CPEB1: variants seen among roughly 807,000 people sequenced by gnomAD.
CPEB1 encodes the protein cytoplasmic polyadenylation element binding protein 1, also known as cytoplasmic polyadenylation element-binding protein 1.
In CPEB1, 7 loss-of-function variants were observed where a neutral mutation model predicts 65.8. That is an observed-to-expected ratio of 0.11 (90% confidence interval 0.06 to 0.20). CPEB1 has a LOEUF of 0.20. Among genes scored for constraint, CPEB1 ranks in the 10% least tolerant of loss-of-function variants. CPEB1 has a pLI of 1.00. For missense variants in CPEB1, 551 were observed against 712.2 expected (o/e 0.77, Z 2.58); for synonymous variants, 262 against 260.0 (o/e 1.01, Z -0.08).
intron 1 of CPEB1, among the ~76,000 whole-genome samples, chr15:82,634,718 C>T (rs1349190929): frequency 1.3e-5 from 2 of 151,936 alleles, no homozygotes; most frequent in Non-Finnish European, 2.9e-5. Flanking sequence ...ATTTTTCCTC[C>T]ATTTAATCAG....
chr15:82,578,868 G>C (rs940913929), intron 3 of CPEB1, among the ~76,000 whole-genome samples: 3 of 152,008 alleles, frequency 2.0e-5, no homozygotes, highest in Non-Finnish European at 4.4e-5. Flanking sequence ...TCACTCTGTC[G>C]TCCTGACTGC....
chr15:82,594,868 G>A (rs1216237430), intron 3 of CPEB1, among the ~76,000 whole-genome samples: 2 of 151,440 alleles, frequency 1.3e-5, no homozygotes, highest in Non-Finnish European at 2.9e-5. Flanking sequence ...CCAAGAAAGT[G>A]GGAGAGAGAC....
chr15:82,599,482 G>C (rs999729877), intron 3 of CPEB1, among the ~76,000 whole-genome samples: 4 of 152,054 alleles, frequency 2.6e-5, no homozygotes, highest in Non-Finnish European at 5.9e-5. Flanking sequence ...AAAAGCATCT[G>C]AAATCTTACA....
At chr15:82,606,418 C>T (rs925621401) in intron 3 of CPEB1, among the ~76,000 whole-genome samples, 4 of 148,284 alleles carry the variant, frequency 2.7e-5, no homozygotes, top group Non-Finnish European at 4.4e-5. Flanking sequence ...TACAGTGACC[C>T]GAGATGGCAC....
At chr15:82,561,578 T>C (rs964735757) in intron 4 of CPEB1, among the ~76,000 whole-genome samples, 1 of 151,932 alleles carries the variant, frequency 6.6e-6, no homozygotes, top group African/African-American at 2.4e-5. Flanking sequence ...TCACCCAAGG[T>C]TTTTTTTAAA....
chr15:82,571,821 G>T (rs1427959263), intron 3 of CPEB1: 8 of 1,220,284 alleles, frequency 6.6e-6, no homozygotes, highest in Non-Finnish European at 8.2e-6. Flanking sequence ...ACATCAGCCG[G>T]CTGAGCCGTG....
chr15:82,601,839 A>AT (rs1223204359), intron 3 of CPEB1, among the ~76,000 whole-genome samples: 1 of 152,262 alleles, frequency 6.6e-6, no homozygotes, highest in Non-Finnish European at 1.5e-5. Flanking sequence ...AAACTTAATA[A>AT]AAGCATACAA....
intron 8 of CPEB1, 70 bp downstream of exon 8, chr15:82,553,397 G>T: frequency 8.6e-7 from 1 of 1,163,824 alleles, no homozygotes; most frequent in African/African-American, 1.5e-5. Context: ...AGCACCCCTA[G>T]GTGCAGTTAT....
intron 3 of CPEB1, among the ~76,000 whole-genome samples, chr15:82,590,998 G>A (rs2042209760): frequency 6.6e-6 from 1 of 152,106 alleles, no homozygotes; most frequent in Admixed American, 6.5e-5. Flanking sequence ...TGTTTTTATG[G>A]TAAAACGATT....
intron 3 of CPEB1, among the ~76,000 whole-genome samples, chr15:82,589,949 C>G (rs931345570): frequency 2.0e-5 from 3 of 152,078 alleles, no homozygotes; most frequent in African/African-American, 7.2e-5. Flanking sequence ...GGGTTAGATG[C>G]AAATACTGTA....
chr15:82,621,446 ACCCC>A (rs1406165876), intron 3 of CPEB1, among the ~76,000 whole-genome samples: 1 of 151,988 alleles, frequency 6.6e-6, no homozygotes, highest in Admixed American at 6.6e-5. Context: ...ATATGGAGAA[ACCCC>A]GTCTCTACTA....
Position 82,601,045 on chromosome 15 carries a change from C to T in CPEB1, c.271+26148G>A, listed in dbSNP as rs139656158. On this transcript the variant is annotated intron_variant, in intron 3 of 12. Coordinates refer to ENST00000684509, the MANE Select transcript of CPEB1 (RefSeq NM_001365242.1). Reference sequence around the variant, plus strand: ...TCAGCCTCCCGAGTAGCTGGGATTACAGGTGCGTGCCACCACACCGAGCTA... The same window carrying T: ...TCAGCCTCCCGAGTAGCTGGGATTATAGGTGCGTGCCACCACACCGAGCTA... Among the ~76,000 whole-genome samples, 1,293 of 150,804 alleles carry T rather than the reference C, an allele frequency of 8.6e-3. 16 individuals carry two copies. The highest frequency in any genetic ancestry group is 0.029 in the African/African-American group (1,182 of 41,148).
intron 9 of CPEB1, 107 bp downstream of exon 9, chr15:82,552,373 G>A: frequency 9.3e-7 from 1 of 1,071,458 alleles, no homozygotes; most frequent in Admixed American, 3.0e-5. Context: ...TCTTGCCTCA[G>A]CAGGAATACT....
At chr15:82,567,233 G>A (rs975330486) in intron 4 of CPEB1, among the ~76,000 whole-genome samples, 2 of 152,090 alleles carry the variant, frequency 1.3e-5, no homozygotes, top group Non-Finnish European at 2.9e-5. Flanking sequence ...GATGAAAATT[G>A]CTTAAGACTC....
rs547107035 is a variant in CPEB1 at position 82,575,002 on chromosome 15, A to C, written c.272-3470T>G. ...ACAGTAGGGCAAAATAATTTAACAC[A>C]AAACTTGTTTTATAATAAAGTGATG... On this transcript the variant is annotated intron_variant, in intron 3 of 12. Transcript: ENST00000684509. 1.4e-4 allele frequency among the ~76,000 whole-genome samples: 22 copies of C among 152,348 alleles called. No homozygotes were observed. In the South Asian group the frequency reaches 4.6e-3, roughly 32 times the overall value.
At chr15:82,592,312 G>A (rs1195966640) in intron 3 of CPEB1, among the ~76,000 whole-genome samples, 1 of 152,096 alleles carries the variant, frequency 6.6e-6, no homozygotes, top group African/African-American at 2.4e-5. Flanking sequence ...TTTAGGCCAG[G>A]CATGGTGGCT....
intron 1 of CPEB1, among the ~76,000 whole-genome samples, chr15:82,632,848 C>T (rs1378831897): frequency 6.6e-6 from 1 of 151,980 alleles, no homozygotes; most frequent in Non-Finnish European, 1.5e-5. Flanking sequence ...CCTTTTAAAC[C>T]GTCCAGTTAT....
intron 3 of CPEB1, chr15:82,572,018 C>G: frequency 4.7e-6 from 1 of 213,604 alleles, no homozygotes; most frequent in Non-Finnish European, 8.1e-6. Context: ...GCAGCCCTCA[C>G]GCACGACTGA....
intron 3 of CPEB1, among the ~76,000 whole-genome samples, chr15:82,621,840 T>C (rs1444669753): frequency 3.3e-5 from 5 of 152,198 alleles, no homozygotes; most frequent in African/African-American, 7.2e-5. Context: ...TGCTAAACCT[T>C]ACTTAGGACT....
Sources: gnomAD v4.1 joint callset for allele counts (sites outside exome capture counted in the v4.1 genomes callset) on GRCh38, gnomAD v4.1.1 for gene constraint, MANE v1.5 for transcripts, NCBI Gene and HGNC (gene_info 2026-07-23, HGNC 2026-07-21) for gene names.